Variants in POU2F3 observed in about 807,000 individuals in gnomAD.
POU2F3 encodes POU class 2 homeobox 3.
POU2F3 carries 23 observed loss-of-function variants against 59.2 expected under a neutral mutation model. That is an observed-to-expected ratio of 0.39 (90% CI 0.28 to 0.55). POU2F3 has a LOEUF of 0.55. POU2F3 is among the 20% of genes least tolerant of loss of function. The pLI is 0.66. For synonymous variants in POU2F3, 190 were observed against 214.6 expected (o/e 0.89, Z 1.00); for missense variants, 473 against 544.5 (o/e 0.87, Z 1.31).
At chr11:120,306,124 C>T (rs1941479798) in intron 8 of POU2F3, among the ~76,000 whole-genome samples, 1 of 152,210 alleles carries the variant, frequency 6.6e-6, no homozygotes, top group Admixed American at 6.5e-5. Context: ...ATGCAGATTG[C>T]TGTCTGGAAT....
intron 4 of POU2F3, among the ~76,000 whole-genome samples, chr11:120,298,994 T>C (rs773275977): frequency 2.0e-5 from 3 of 152,252 alleles, no homozygotes; most frequent in Admixed American, 6.5e-5. Flanking sequence ...CTCAACCTCA[T>C]GGGGCACAGA....
intron 11 of POU2F3, among the ~76,000 whole-genome samples, chr11:120,316,790 G>A (rs1179085665): frequency 6.6e-6 from 1 of 152,200 alleles, no homozygotes; most frequent in African/African-American, 2.4e-5. Flanking sequence ...GAGAACTAGA[G>A]CAGCTGGCAA....
At chr11:120,286,707 T>C (rs1397228860) in intron 3 of POU2F3, among the ~76,000 whole-genome samples, 1 of 152,236 alleles carries the variant, frequency 6.6e-6, no homozygotes, top group African/African-American at 2.4e-5. Context: ...TTTTTTCATA[T>C]AAATTGTTGT....
chr11:120,261,140 T>C (rs1463075360), intron 2 of POU2F3: 1 of 94,022 alleles, frequency 1.1e-5, no homozygotes, highest in Admixed American at 1.4e-4. Flanking sequence ...GTTGGAGACA[T>C]GGTTTTTTTT....
At chr11:120,275,129 G>A (rs905569382) in intron 3 of POU2F3, among the ~76,000 whole-genome samples, 14 of 152,166 alleles carry the variant, frequency 9.2e-5, no homozygotes, top group East Asian at 5.8e-4. Flanking sequence ...ATTCCCTTTC[G>A]AGGAATAGGG....
At chr11:120,280,132 T>C (rs1386823588) in intron 3 of POU2F3, among the ~76,000 whole-genome samples, 1 of 152,164 alleles carries the variant, frequency 6.6e-6, no homozygotes, top group East Asian at 1.9e-4. Flanking sequence ...CCTTCCCTTT[T>C]TCAAGCAGGC....
chr11:120,255,860 A>C (rs1939320236), intron 2 of POU2F3, among the ~76,000 whole-genome samples: 1 of 152,124 alleles, frequency 6.6e-6, no homozygotes, highest in Non-Finnish European at 1.5e-5. Flanking sequence ...GGCTGGGTTC[A>C]TGCCTTCCTC....
chr11:120,263,642 A>G (rs1022252719), intron 2 of POU2F3, among the ~76,000 whole-genome samples: 5 of 152,238 alleles, frequency 3.3e-5, no homozygotes, highest in African/African-American at 9.6e-5. Context: ...TAGTTAAGAA[A>G]TCTGAGCTGT....
upstream of POU2F3, among the ~76,000 whole-genome samples, chr11:120,239,803 A>T (rs574231020): frequency 3.0e-4 from 45 of 152,286 alleles, no homozygotes; most frequent in Admixed American, 2.4e-3. Context: ...ACTTCTCCAA[A>T]CACTCCAACT....
intron 11 of POU2F3, among the ~76,000 whole-genome samples, chr11:120,316,121 G>A (rs550570887): frequency 1.1e-4 from 16 of 152,040 alleles, no homozygotes; most frequent in African/African-American, 3.9e-4. Flanking sequence ...TGATCTGCCC[G>A]CCTCGGCCTC....
At chr11:120,288,143 A>AG (rs1242192941) in intron 3 of POU2F3, among the ~76,000 whole-genome samples, 5 of 149,288 alleles carry the variant, frequency 3.3e-5, no homozygotes, top group Non-Finnish European at 7.4e-5. Context: ...AAAAAAAAAA[A>AG]AAAAACAAGA....
upstream of POU2F3, among the ~76,000 whole-genome samples, chr11:120,238,731 G>A (rs780164832): frequency 2.7e-5 from 4 of 150,778 alleles, no homozygotes; most frequent in Non-Finnish European, 4.4e-5. Flanking sequence ...CCACTCAGGA[G>A]GCTGAGGAGA....
intron 1 of POU2F3, among the ~76,000 whole-genome samples, chr11:120,241,629 C>T (rs754123828): frequency 1.8e-4 from 27 of 152,264 alleles, no homozygotes; most frequent in African/African-American, 6.0e-4. Flanking sequence ...GGCAGATCCC[C>T]GGGTAGGTGC....
chr11:120,282,960 A>C (rs1940633809), intron 3 of POU2F3, among the ~76,000 whole-genome samples: 1 of 152,188 alleles, frequency 6.6e-6, no homozygotes, highest in African/African-American at 2.4e-5. Context: ...TTGGATACCC[A>C]GTCACTGGCA....
intron 10 of POU2F3, among the ~76,000 whole-genome samples, chr11:120,311,036 A>C (rs1941636551): frequency 6.6e-6 from 1 of 152,124 alleles, no homozygotes; most frequent in Admixed American, 6.6e-5. Flanking sequence ...GAGGCAAATA[A>C]ATGTGGGTGG....
chr11:120,238,313 G>A (rs1181045618), upstream of POU2F3, among the ~76,000 whole-genome samples: 1 of 152,178 alleles, frequency 6.6e-6, no homozygotes, highest in Non-Finnish European at 1.5e-5. Context: ...GGGAAGGGAG[G>A]TCCATGTGAC....
intron 3 of POU2F3, among the ~76,000 whole-genome samples, chr11:120,294,350 G>T (rs561300530): frequency 6.6e-6 from 1 of 152,184 alleles, no homozygotes; most frequent in Admixed American, 6.5e-5. Flanking sequence ...CCAGGGATGC[G>T]TCCGTCCCAA....
intron 3 of POU2F3, among the ~76,000 whole-genome samples, chr11:120,288,127 C>CAAAAAAAAAAA (rs1491240764): frequency 1.3e-4 from 1 of 7,648 alleles, no homozygotes; most frequent in African/African-American, 3.4e-4. Flanking sequence ...AACAAAAAAA[C>CAAAAAAAAAAA]CAAAAAAAAA....
At chr11:120,273,918 G>A (rs1221657855) in intron 3 of POU2F3, among the ~76,000 whole-genome samples, 1 of 152,228 alleles carries the variant, frequency 6.6e-6, no homozygotes, top group East Asian at 1.9e-4. Context: ...TCAGGAGGCT[G>A]AGGCAGGGAG....
Sources: gnomAD v4.1 joint callset for allele counts (sites outside exome capture counted in the v4.1 genomes callset) on GRCh38, gnomAD v4.1.1 for gene constraint, MANE v1.5 for transcripts, NCBI Gene and HGNC (gene_info 2026-07-23, HGNC 2026-07-21) for gene names.